DDX46: variants seen among roughly 807,000 people sequenced by gnomAD.
DDX46 encodes the protein DEAD-box helicase 46, also known as probable ATP-dependent RNA helicase DDX46.
In DDX46, 30 loss-of-function variants were observed where a neutral mutation model predicts 134.9. The ratio of observed to expected loss-of-function variants is 0.22; its 90% CI spans 0.17 to 0.30. DDX46 has a LOEUF of 0.30. Ranked by LOEUF, DDX46 falls within the 10% of genes least tolerant of loss-of-function variation. The probability of loss-of-function intolerance (pLI) is 1.00; values close to 1 mark genes in which losing one functional copy is unlikely to be tolerated. For missense variants in DDX46, 622 were observed against 1,248.7 expected (o/e 0.50, Z 7.56); for synonymous variants, 415 against 404.1 (o/e 1.03, Z -0.32).
At chr5:134,801,576 T>A (rs539096206) in intron 15 of DDX46, among the ~76,000 whole-genome samples, 8 of 152,194 alleles carry the variant, frequency 5.3e-5, no homozygotes, top group South Asian at 4.2e-4. Flanking sequence ...TTTTTTATAT[T>A]TTTTTGTGGA....
At chr5:134,761,016 A>C (rs1342287571) in intron 1 of DDX46, among the ~76,000 whole-genome samples, 1 of 151,522 alleles carries the variant, frequency 6.6e-6, no homozygotes, top group Non-Finnish European at 1.5e-5. Flanking sequence ...GGCGTGAGCC[A>C]CCGCACCCGG....
At chr5:134,791,905 T>C (rs1202749460) in intron 13 of DDX46, among the ~76,000 whole-genome samples, 1 of 152,206 alleles carries the variant, frequency 6.6e-6, no homozygotes, top group African/African-American at 2.4e-5. Flanking sequence ...GGGCAGGGAA[T>C]GGTGGCTCAT....
intron 12 of DDX46, chr5:134,789,069 C>A (rs1754428559): frequency 6.6e-6 from 1 of 152,116 alleles, no homozygotes; most frequent in Non-Finnish European, 1.5e-5. Context: ...TTCTTAGATA[C>A]TACATAAATT....
chr5:134,795,921 A>G, intron 14 of DDX46, 67 bp from the exon 15 acceptor site: 3 of 1,416,076 alleles, frequency 2.1e-6, no homozygotes, highest in South Asian at 1.3e-5. Context: ...AATAAAATGA[A>G]TATTTCTGTC....
chr5:134,822,952 A>T (rs1400389804), intron 21 of DDX46, among the ~76,000 whole-genome samples: 1 of 152,164 alleles, frequency 6.6e-6, no homozygotes, highest in Non-Finnish European at 1.5e-5. Flanking sequence ...TTTAAATCAT[A>T]CAGGAAATAA....
intron 18 of DDX46, among the ~76,000 whole-genome samples, chr5:134,813,207 T>C (rs568624806): frequency 3.3e-5 from 5 of 152,318 alleles, no homozygotes; most frequent in Admixed American, 6.5e-5. Context: ...CCTCCCAAAG[T>C]GCTCAGATTA....
chr5:134,786,101 G>A (rs1273887508), intron 11 of DDX46, among the ~76,000 whole-genome samples: 3 of 151,848 alleles, frequency 2.0e-5, no homozygotes, highest in Non-Finnish European at 4.4e-5. Context: ...CTCCTGCCTC[G>A]GCCTCCCAAA....
At chr5:134,825,396 T>A (rs1406705272) in intron 21 of DDX46, among the ~76,000 whole-genome samples, 1 of 152,190 alleles carries the variant, frequency 6.6e-6, no homozygotes, top group Non-Finnish European at 1.5e-5. Context: ...TATGACTTCA[T>A]AGCCATACCC....
intron 14 of DDX46, 130 bp from the exon 15 acceptor site, chr5:134,795,858 T>TC: frequency 2.3e-6 from 2 of 866,476 alleles, no homozygotes; most frequent in Non-Finnish European, 3.4e-6. Flanking sequence ...AAAATCAACA[T>TC]CTTCCTAGCC....
intron 13 of DDX46, among the ~76,000 whole-genome samples, chr5:134,792,636 A>G (rs1754537269): frequency 6.6e-6 from 1 of 152,228 alleles, no homozygotes; most frequent in Non-Finnish European, 1.5e-5. Flanking sequence ...AAGTTCTTAT[A>G]GAGTGAGTTC....
chr5:134,802,754 C>CT (rs1312186647), intron 15 of DDX46, among the ~76,000 whole-genome samples: 1 of 151,880 alleles, frequency 6.6e-6, no homozygotes, highest in Non-Finnish European at 1.5e-5. Flanking sequence ...TATTGACTGT[C>CT]TTTTTTCTTG....
In DDX46 at chr5:134,794,736, A is replaced by C. The variant is rs749602263; in HGVS notation, c.1627-114A>C. Reference sequence around the variant, plus strand: ...TTTCTTGAGATTGGGAGACTGTGGGAGTGGCAAAACTGAGACAGTTGTTCT... The same window carrying C: ...TTTCTTGAGATTGGGAGACTGTGGGCGTGGCAAAACTGAGACAGTTGTTCT... On this transcript the variant is annotated intron_variant, in intron 13 of 22. Coordinates refer to ENST00000452510, the MANE Select transcript of DDX46 (RefSeq NM_001300860.2). 11 of 1,315,102 alleles carry C rather than the reference A, an allele frequency of 8.4e-6. No individual in the cohort carries two copies. The South Asian group carries it at 1.6e-4, about 19-fold the overall frequency. 81.5% of individuals were successfully genotyped at this position (1,315,102 alleles called of 1,614,324 possible).
intron 19 of DDX46, 90 bp from the exon 20 acceptor site, chr5:134,817,406 T>G: frequency 7.8e-7 from 1 of 1,273,946 alleles, no homozygotes; most frequent in Non-Finnish European, 1.1e-6. Context: ...CATACAAAGT[T>G]AGTAGCTTTT....
intron 1 of DDX46, among the ~76,000 whole-genome samples, chr5:134,763,470 T>TTA (rs1753459726): frequency 6.6e-6 from 1 of 152,216 alleles, no homozygotes; most frequent in Non-Finnish European, 1.5e-5. Flanking sequence ...AGCTTCCTCT[T>TTA]TAGGGACTTT....
intron 10 of DDX46, chr5:134,784,809 C>T (rs758507580): frequency 2.0e-4 from 43 of 212,174 alleles, no homozygotes; most frequent in Non-Finnish European, 3.4e-4. Flanking sequence ...GTAGACTCCT[C>T]GTGCATCTAT....
At chr5:134,768,230 CT>C (rs1561851254) in intron 3 of DDX46, among the ~76,000 whole-genome samples, 1 of 151,646 alleles carries the variant, frequency 6.6e-6, no homozygotes, top group Non-Finnish European at 1.5e-5. Context: ...TTGCCTCAGC[CT>C]CCCGAGTAGC....
intron 6 of DDX46, among the ~76,000 whole-genome samples, chr5:134,779,496 A>G (rs1007376355): frequency 6.7e-6 from 1 of 149,264 alleles, no homozygotes; most frequent in African/African-American, 2.5e-5. Context: ...ACTCGGCCTT[A>G]TTTTATTTTT....
At chr5:134,770,832 A>AAT in intron 3 of DDX46, 71 bp from the exon 4 acceptor site, 1 of 1,345,080 alleles carries the variant, frequency 7.4e-7, no homozygotes, top group Non-Finnish European at 1.0e-6. Context: ...AAAAAAAAAA[A>AAT]GTATTTAAAA....
intron 21 of DDX46, among the ~76,000 whole-genome samples, chr5:134,822,011 T>A (rs1755469571): frequency 1.3e-5 from 2 of 151,244 alleles, no homozygotes; most frequent in South Asian, 4.2e-4. Context: ...TCCCTTGGCC[T>A]CCCTAGTAGC....
Sources: gnomAD v4.1 joint callset for allele counts (sites outside exome capture counted in the v4.1 genomes callset) on GRCh38, gnomAD v4.1.1 for gene constraint, MANE v1.5 for transcripts, NCBI Gene and HGNC (gene_info 2026-07-23, HGNC 2026-07-21) for gene names.